UNC5C: variants seen among roughly 807,000 people sequenced by gnomAD.
UNC5C encodes the protein netrin receptor UNC5C.
Under a neutral mutation model 99.8 loss-of-function variants are expected in UNC5C, and 47 were observed. The observed-to-expected ratio is 0.47, with a 90% CI of 0.37 to 0.60. UNC5C has a LOEUF of 0.60. Among genes scored for constraint, UNC5C ranks in the 20% least tolerant of loss-of-function variants. UNC5C has a pLI of 0.00. For synonymous variants in UNC5C, 487 were observed against 452.2 expected (o/e 1.08, Z -0.98); for missense variants, 1,062 against 1,165.9 (o/e 0.91, Z 1.30).
chr4:95,257,093 T>A (rs1028965333), intron 4 of UNC5C, among the ~76,000 whole-genome samples: 3 of 152,118 alleles, frequency 2.0e-5, no homozygotes, highest in African/African-American at 7.2e-5. Flanking sequence ...ATACTTTGTA[T>A]CTTTCAATCC....
At chr4:95,506,776 A>AAT (rs1294282969) in intron 1 of UNC5C, among the ~76,000 whole-genome samples, 3 of 151,812 alleles carry the variant, frequency 2.0e-5, no homozygotes, top group Admixed American at 1.3e-4. Flanking sequence ...TGGTGATAAT[A>AAT]ATATATATAT....
chr4:95,199,604 T>C (rs1737571600), intron 12 of UNC5C, among the ~76,000 whole-genome samples: 1 of 152,212 alleles, frequency 6.6e-6, no homozygotes, highest in Non-Finnish European at 1.5e-5. Flanking sequence ...GTTCACTAAT[T>C]ATAATAATCA....
rs371364861 is a variant in UNC5C, at chr4:95,259,741, G to T, written c.595-9074C>A. 3.7e-4 allele frequency among the ~76,000 whole-genome samples: 56 copies of T among 152,106 alleles called. No individual in the cohort carries two copies. In the South Asian group the frequency reaches 0.011, roughly 30 times the overall value. On this transcript the variant is annotated intron_variant, in intron 4 of 15. Coordinates refer to ENST00000453304, the MANE Select transcript of UNC5C (RefSeq NM_003728.4). ...CAGTTTTAAAAAAATAAGTAGAAAA[G>T]ATTTTTAATGAAACACAGGTTATTA...
intron 12 of UNC5C, among the ~76,000 whole-genome samples, chr4:95,189,172 TC>T (rs969727097): frequency 1.4e-4 from 21 of 152,208 alleles, no homozygotes; most frequent in Non-Finnish European, 2.6e-4. Flanking sequence ...TACTGGGAGT[TC>T]CCCCACCTCA....
At chr4:95,286,765 G>A (rs754038532) in intron 3 of UNC5C, among the ~76,000 whole-genome samples, 5 of 152,092 alleles carry the variant, frequency 3.3e-5, no homozygotes, top group South Asian at 4.1e-4. Context: ...CTTTACTCTC[G>A]TTACTTAGCT....
At chr4:95,463,175 A>G (rs1201079477) in intron 1 of UNC5C, among the ~76,000 whole-genome samples, 1 of 152,112 alleles carries the variant, frequency 6.6e-6, no homozygotes, top group East Asian at 1.9e-4. Flanking sequence ...ATGGCCAGTG[A>G]TTGGAGTGTC....
At chr4:95,245,179 C>A (rs1029611245) in intron 5 of UNC5C, 35 bp from the exon 6 acceptor site, 2 of 1,597,838 alleles carry the variant, frequency 1.3e-6, no homozygotes, top group African/African-American at 2.7e-5. Flanking sequence ...GTGGATTAAA[C>A]ATGTGTGCAT....
chr4:95,472,624 G>A (rs941026273), intron 1 of UNC5C, among the ~76,000 whole-genome samples: 5 of 151,980 alleles, frequency 3.3e-5, no homozygotes, highest in African/African-American at 1.2e-4. Context: ...GAGCCCCATG[G>A]TACACATATA....
chr4:95,204,938 T>C (rs1402622836), intron 11 of UNC5C, among the ~76,000 whole-genome samples: 1 of 152,192 alleles, frequency 6.6e-6, no homozygotes, highest in African/African-American at 2.4e-5. Flanking sequence ...ACTGAACCTA[T>C]GCCCCCAGAG....
intron 1 of UNC5C, among the ~76,000 whole-genome samples, chr4:95,347,539 G>A (rs771990910): frequency 2.6e-5 from 4 of 151,968 alleles, no homozygotes; most frequent in Non-Finnish European, 5.9e-5. Flanking sequence ...AAAACAGCAT[G>A]GTACTGACAT....
At chr4:95,513,375 T>C (rs1240525029) in intron 1 of UNC5C, among the ~76,000 whole-genome samples, 1 of 152,186 alleles carries the variant, frequency 6.6e-6, no homozygotes, top group South Asian at 2.1e-4. Flanking sequence ...AAGAAGGTAA[T>C]GGTTGGATAA....
intron 1 of UNC5C, among the ~76,000 whole-genome samples, chr4:95,509,501 T>C (rs1027482799): frequency 4.0e-5 from 6 of 151,754 alleles, no homozygotes; most frequent in Non-Finnish European, 7.4e-5. Context: ...GATGAAGAAA[T>C]TTAATAAAAA....
In UNC5C at chr4:95,169,111, G is replaced by A. The variant is rs74781615; in HGVS notation, c.*123C>T. The A allele has an allele frequency of 0.02, 24,465 of 1,234,934 alleles. 315 individuals are homozygous for A. The highest frequency in any genetic ancestry group is 0.044 in the Middle Eastern group (179 of 4,062). 76.5% of individuals were successfully genotyped at this position (1,234,934 alleles called of 1,614,324 possible). A position where few individuals can be genotyped will look rare whatever the true frequency, so the allele number is the denominator to read the frequency against. On this transcript the variant is annotated 3_prime_UTR_variant, in exon 16 of 16. Coordinates refer to ENST00000453304, the MANE Select transcript of UNC5C (RefSeq NM_003728.4). ...TGTATCTGTTTTCCTTCTGGCTCCT[G>A]CTGCAGTCTTGCCTGTGAAGTGCAT...
At chr4:95,468,582 A>T (rs775388952) in intron 1 of UNC5C, among the ~76,000 whole-genome samples, 1 of 152,160 alleles carries the variant, frequency 6.6e-6, no homozygotes, top group African/African-American at 2.4e-5. Flanking sequence ...TTGAGGCTTG[A>T]TGGCTCTCAG....
chr4:95,369,128 G>A (rs548782510), intron 1 of UNC5C, among the ~76,000 whole-genome samples: 7 of 151,820 alleles, frequency 4.6e-5, no homozygotes, highest in Non-Finnish European at 1.0e-4. Context: ...CAAAGTGCTG[G>A]GATTACAGGC....
intron 12 of UNC5C, among the ~76,000 whole-genome samples, chr4:95,198,500 G>C (rs1044946384): frequency 6.6e-6 from 1 of 152,270 alleles, no homozygotes; most frequent in Admixed American, 6.5e-5. Context: ...ATAAGTTTGG[G>C]CAGAGAGACT....
chr4:95,200,182 A>T (rs1379132488), intron 12 of UNC5C, among the ~76,000 whole-genome samples: 1 of 152,210 alleles, frequency 6.6e-6, no homozygotes, highest in Non-Finnish European at 1.5e-5. Context: ...CAGTGTTCAT[A>T]ACCAAGTACT....
At chr4:95,362,208 CCT>C (rs1433239848) in intron 1 of UNC5C, among the ~76,000 whole-genome samples, 1 of 151,988 alleles carries the variant, frequency 6.6e-6, no homozygotes. Flanking sequence ...CCTCTTCCAC[CCT>C]CTTAGGCCAC....
chr4:95,169,866 C>T (rs916864615), intron 15 of UNC5C, among the ~76,000 whole-genome samples: 5 of 152,168 alleles, frequency 3.3e-5, no homozygotes, highest in South Asian at 2.1e-4. Context: ...GCAATAACTA[C>T]GGTAGTGAAT....
Sources: gnomAD v4.1 joint callset for allele counts (sites outside exome capture counted in the v4.1 genomes callset) on GRCh38, gnomAD v4.1.1 for gene constraint, MANE v1.5 for transcripts, NCBI Gene and HGNC (gene_info 2026-07-23, HGNC 2026-07-21) for gene names.